The following SYNCRIP variants were observed in gnomAD, a reference collection of about 807,000 sequenced individuals.
SYNCRIP encodes the protein heterogeneous nuclear ribonucleoprotein Q.
Under a neutral mutation model 68.9 loss-of-function variants are expected in SYNCRIP, and 9 were observed. That is an observed-to-expected ratio of 0.13 (90% confidence interval 0.08 to 0.23). The LOEUF (loss-of-function observed/expected upper bound fraction) is 0.23. SYNCRIP is among the 10% of genes least tolerant of loss of function. The pLI is 1.00. For missense variants in SYNCRIP, 414 were observed against 770.6 expected (o/e 0.54, Z 5.48); for synonymous variants, 258 against 254.0 (o/e 1.02, Z -0.15).
At position 85,614,852 on chromosome 6, in the gene SYNCRIP, CTG is replaced by C. The variant is rs1562072286; in HGVS notation, c.1774_1775del (p.Gln592AlafsTer7). 6.2e-7 allele frequency: 1 copy of C among 1,614,166 alleles called. No homozygotes were observed. The highest frequency in any genetic ancestry group is 1.7e-5 in the Admixed American group (1 of 60,020). On this transcript the variant is annotated frameshift_variant, in exon 11 of 11. Transcript: ENST00000369622. LOFTEE classifies it high-confidence loss of function. ...NQNWGSQPIA[Q>X]QPLQGGDHSG... Reference sequence around the variant, plus strand: ...AATGATCACCACCTTGGAGCGGTTGCTGAGCAATGGGTTGGGAGCCCCAGTTC... The same window carrying C: ...AATGATCACCACCTTGGAGCGGTTGCAGCAATGGGTTGGGAGCCCCAGTTC...
rs1467410245 is a variant in SYNCRIP, at chr6:85,641,383, A to C, written c.57T>G (p.Ser19=). 6.2e-7 allele frequency: 1 copy of C among 1,613,084 alleles called. No individual in the cohort carries two copies. Among genetic ancestry groups the C allele is most frequent in the East Asian group, 2.2e-5 (1 of 44,880 alleles). Residue 19 remains serine (S), a synonymous_variant, in exon 2 of 11, where the codon TCT becomes TCG. Coordinates refer to ENST00000369622, the MANE Select transcript of SYNCRIP (RefSeq NM_006372.5). ...GAAAATTTTCTGAATGGATAACTGCAGAAGTAGTATCCATGGGCTCTTCAG... is the reference window on the plus strand; with the variant it reads ...GAAAATTTTCTGAATGGATAACTGCCGAAGTAGTATCCATGGGCTCTTCAG... The part of the protein sequence containing the change: ...NGTEEPMDTT[S]AVIHSENFQT...
At chr6:85,629,551 C>T (rs934182446) in intron 6 of SYNCRIP, among the ~76,000 whole-genome samples, 14 of 138,788 alleles carry the variant, frequency 1.0e-4, no homozygotes, top group Non-Finnish European at 1.8e-4. Flanking sequence ...GGGCCGGGTG[C>T]GGTGGCTCAT....
At chr6:85,620,960 A>G (rs1314127736) in intron 8 of SYNCRIP, among the ~76,000 whole-genome samples, 1 of 152,240 alleles carries the variant, frequency 6.6e-6, no homozygotes, top group Non-Finnish European at 1.5e-5. Context: ...GGCCAAAACT[A>G]ATTAGGACCT....
chr6:85,640,761 C>T (rs1004708387), intron 2 of SYNCRIP, among the ~76,000 whole-genome samples, 197 bp from the exon 3 acceptor site: 4 of 151,658 alleles, frequency 2.6e-5, no homozygotes, highest in African/African-American at 7.3e-5. Flanking sequence ...ACCACACTTA[C>T]AATAATCAGC....
At chr6:85,639,012 A>G (rs1376636400) in intron 4 of SYNCRIP, among the ~76,000 whole-genome samples, 1 of 152,182 alleles carries the variant, frequency 6.6e-6, no homozygotes, top group Non-Finnish European at 1.5e-5. Flanking sequence ...GATTGAGACC[A>G]TCCCGGTCAA....
rs71003001 is a variant in SYNCRIP, at chr6:85,638,380, C to CAAAAAAAAAAAAA, written c.376-1037_376-1025dup. Among the ~76,000 whole-genome samples, 42 of 42,854 alleles carry CAAAAAAAAAAAAA rather than the reference C, an allele frequency of 9.8e-4. 1 individual carries two copies. Among genetic ancestry groups the CAAAAAAAAAAAAA allele is most frequent in the East Asian group, 1.7e-3 (2 of 1,154 alleles). The allele number at this position is 42,854 out of a possible 152,430, so 28.1% of individuals were successfully genotyped here. ...TGGATGACAGAGCAAGACCCCATCTCAAAAAAAAAAAAAAAAAAAAAAAAA... is the reference window on the plus strand; with the variant it reads ...TGGATGACAGAGCAAGACCCCATCTCAAAAAAAAAAAAAAAAAAAAAAAAAAAAAAAAAAAAAA... On this transcript the variant is annotated intron_variant, in intron 4 of 10. Transcript: ENST00000369622.
chr6:85,624,653 AG>A lies in SYNCRIP; in HGVS notation c.667-542del, dbSNP rs1562089626. ...ATATAACAAATTATGAAGGAGAAAG[AG>A]AAGTAGATTTGTCATGGCAAAAATA... On this transcript the variant is annotated intron_variant, in intron 6 of 10. Transcript: ENST00000369622. Among the ~76,000 whole-genome samples, 57 of 152,360 alleles carry A rather than the reference AG, an allele frequency of 3.7e-4. 1 individual carries two copies. In the South Asian group the frequency reaches 5.2e-3, roughly 14 times the overall value.
At chr6:85,613,003 A>G (rs187120499), downstream of SYNCRIP, 20 of 1,486,948 alleles carry the variant, frequency 1.3e-5, no homozygotes, top group Non-Finnish European at 1.8e-5. Flanking sequence ...TAACATTAAA[A>G]AGACAAGCCT....
intron 1 of SYNCRIP, 40 bp from the exon 2 acceptor site, chr6:85,641,491 A>C: frequency 6.3e-7 from 1 of 1,583,298 alleles, no homozygotes; most frequent in South Asian, 1.1e-5. Context: ...TAGGATCTTC[A>C]AAAAGAATAC....
At position 85,640,434 on chromosome 6, in the gene SYNCRIP, C is replaced by CCTGAATGTTAATTTTA; in HGVS notation, c.267+11_267+12insTAAAATTAACATTCAG. The CCTGAATGTTAATTTTA allele has an allele frequency of 1.3e-6, 2 of 1,592,528 alleles. No homozygotes were observed. The highest frequency in any genetic ancestry group is 3.5e-5 in the Admixed American group (2 of 57,068). On this transcript the variant is annotated intron_variant, in intron 3 of 10. Coordinates refer to ENST00000369622, the MANE Select transcript of SYNCRIP (RefSeq NM_006372.5). ...TCAAATTTTTTAATTTTCACATTGACATTAACATTACCTGAACATGAGAGA... is the reference window on the plus strand; with the variant it reads ...TCAAATTTTTTAATTTTCACATTGACCTGAATGTTAATTTTAATTAACATTACCTGAACATGAGAGA...
downstream of SYNCRIP, chr6:85,612,811 A>C: frequency 6.6e-7 from 1 of 1,522,728 alleles, no homozygotes. Flanking sequence ...CGACATATTT[A>C]AGGTTGCTTG....
chr6:85,636,745 A>G (rs1808498622), intron 6 of SYNCRIP, among the ~76,000 whole-genome samples: 1 of 152,204 alleles, frequency 6.6e-6, no homozygotes, highest in South Asian at 2.1e-4. Context: ...ATAAGAACCA[A>G]TTGCTAGGAA....
intron 6 of SYNCRIP, among the ~76,000 whole-genome samples, chr6:85,629,342 A>C (rs1026191983): frequency 1.3e-4 from 20 of 152,068 alleles, no homozygotes; most frequent in African/African-American, 4.6e-4. Context: ...AAGAACCTGT[A>C]TATCTGAAGT....
chr6:85,631,418 G>A (rs1807772768), intron 6 of SYNCRIP, among the ~76,000 whole-genome samples: 1 of 151,618 alleles, frequency 6.6e-6, no homozygotes, highest in Non-Finnish European at 1.5e-5. Context: ...AGTGGGGAAA[G>A]AGGTAAGAAG....
chr6:85,642,421 G>A (rs1171227571), intron 1 of SYNCRIP, among the ~76,000 whole-genome samples: 1 of 152,160 alleles, frequency 6.6e-6, no homozygotes, highest in Non-Finnish European at 1.5e-5. Context: ...CAACGCCCGC[G>A]GGACCGTGAG....
downstream of SYNCRIP, chr6:85,609,018 C>T (rs1383206230): frequency 6.6e-6 from 1 of 151,938 alleles, no homozygotes; most frequent in African/African-American, 2.4e-5. Flanking sequence ...GTAATTAATA[C>T]ACCTTAAAAC....
At chr6:85,636,819 A>G in intron 6 of SYNCRIP, 148 bp downstream of exon 6, 1 of 645,180 alleles carries the variant, frequency 1.5e-6, no homozygotes, top group Non-Finnish European at 2.6e-6. Context: ...ATAACACTAC[A>G]ATGCTTGCAC....
At chr6:85,627,051 A>G (rs1256528505) in intron 6 of SYNCRIP, among the ~76,000 whole-genome samples, 2 of 152,150 alleles carry the variant, frequency 1.3e-5, no homozygotes, top group Non-Finnish European at 2.9e-5. Flanking sequence ...GAATTGCCTA[A>G]GCTCAGGAGT....
At chr6:85,617,865 T>C (rs539988485) in intron 10 of SYNCRIP, among the ~76,000 whole-genome samples, 1 of 152,310 alleles carries the variant, frequency 6.6e-6, no homozygotes, top group South Asian at 2.1e-4. Context: ...TTCTAGGAAA[T>C]CAGTAACTAA....
Sources: allele counts gnomAD v4.1 joint callset (sites outside exome capture counted in the v4.1 genomes callset), GRCh38; gene constraint gnomAD v4.1.1; transcripts MANE v1.5; gene names NCBI Gene and HGNC (gene_info 2026-07-23, HGNC 2026-07-21).